Variants in GRK7 observed in about 807,000 individuals in gnomAD.
The protein encoded by GRK7 is rhodopsin kinase GRK7.
GRK7 carries 24 observed loss-of-function variants against 34.1 expected under a neutral mutation model. That is an observed-to-expected ratio of 0.70 (90% CI 0.51 to 0.99). GRK7 has a LOEUF of 0.99. GRK7 is among the 50% of genes least tolerant of loss of function. GRK7 has a pLI of 0.00. For synonymous variants in GRK7, 256 were observed against 279.4 expected (o/e 0.92, Z 0.84); for missense variants, 644 against 707.3 (o/e 0.91, Z 1.02).
intron 5 of GRK7, among the ~76,000 whole-genome samples, chr3:141,814,564 T>G (rs539486003): frequency 6.6e-6 from 1 of 152,322 alleles, no homozygotes; most frequent in Non-Finnish European, 1.5e-5. Context: ...TTTCATTCCT[T>G]TTTATGGCTG....
the GRK7 span, among the ~76,000 whole-genome samples, chr3:141,753,516 C>T: frequency 6.6e-6 from 1 of 152,146 alleles, no homozygotes; most frequent in African/African-American, 2.4e-5. Flanking sequence ...ACCTAGATCC[C>T]TCACATGCAC....
At chr3:141,779,010 G>A in intron 3 of GRK7, 114 bp downstream of exon 3, 1 of 1,038,594 alleles carries the variant, frequency 9.6e-7, no homozygotes. Flanking sequence ...AGCACCATAT[G>A]TGGAGGATTT....
At chr3:141,785,169 A>T (rs929525829) in intron 4 of GRK7, among the ~76,000 whole-genome samples, 1 of 152,230 alleles carries the variant, frequency 6.6e-6, no homozygotes, top group Admixed American at 6.5e-5. Context: ...TGAACTCTGC[A>T]TTGAGTCTGA....
At position 141,764,666 on chromosome 3, in the gene GRK7, A is replaced by T. The variant is rs1007820902; in HGVS notation, c.-1287A>T. On this transcript the variant is annotated 5_prime_UTR_variant, in exon 1 of 6. Transcript: ENST00000682958. ...CTAAAGGCCATTTATATCTGGGGTGACTCCCAGTGAGTATCTCCAGCCCAG... is the reference window on the plus strand; with the variant it reads ...CTAAAGGCCATTTATATCTGGGGTGTCTCCCAGTGAGTATCTCCAGCCCAG... 1.3e-5 allele frequency among the ~76,000 whole-genome samples: 2 copies of T among 151,070 alleles called. No individual in the cohort carries two copies. Among genetic ancestry groups the T allele is most frequent in the African/African-American group, 4.9e-5 (2 of 41,016 alleles).
At chr3:141,755,066 G>A in the GRK7 span, among the ~76,000 whole-genome samples, 14 of 152,066 alleles carry the variant, frequency 9.2e-5, no homozygotes, top group Admixed American at 3.9e-4. Context: ...TTCTAAACTC[G>A]AATTTTATGC....
rs539815665 is a variant in GRK7, at chr3:141,764,778, A to G, written c.-1175A>G. The stretch of plus-strand genomic sequence containing the variant: ...GTCTCCCTGGCAGGTCAAATTTAAC[A>G]GGTACAAGACTGAGCTCTTGATCTT... On this transcript the variant is annotated 5_prime_UTR_variant, in exon 1 of 6. Transcript: ENST00000682958. Among the ~76,000 whole-genome samples the G allele has an allele frequency of 2.6e-5, 4 of 152,250 alleles. No individual in the cohort carries two copies. The highest frequency in any genetic ancestry group is 6.5e-5 in the Admixed American group (1 of 15,302).
chr3:141,806,436 G>A (rs533384878), intron 4 of GRK7, among the ~76,000 whole-genome samples: 173 of 152,110 alleles, frequency 1.1e-3, no homozygotes, highest in African/African-American at 3.6e-3. Flanking sequence ...GGTGGCAGGC[G>A]CCTGTAATGC....
chr3:141,792,853 G>T (rs2107885402), intron 4 of GRK7, among the ~76,000 whole-genome samples: 1 of 152,318 alleles, frequency 6.6e-6, no homozygotes, highest in South Asian at 2.1e-4. Context: ...AGAGGGTTAG[G>T]ACTTTCAGCC....
In GRK7 at chr3:141,818,918, G is replaced by A. The variant is rs1176947202; in HGVS notation, c.*1868G>A. 2.6e-5 allele frequency among the ~76,000 whole-genome samples: 4 copies of A among 152,180 alleles called. No homozygotes were observed. The highest frequency in any genetic ancestry group is 9.7e-5 in the African/African-American group (4 of 41,442). ...CCCTCTGAGAGTTGAGGCCTCGGCC[G>A]GTGCACCTGCGGCTCACTTTCCCGC... On this transcript the variant is annotated 3_prime_UTR_variant, in exon 6 of 6. Coordinates refer to ENST00000682958, the MANE Select transcript of GRK7 (RefSeq NM_139209.3).
intron 5 of GRK7, among the ~76,000 whole-genome samples, chr3:141,814,379 C>A (rs1711125630): frequency 6.6e-6 from 1 of 152,124 alleles, no homozygotes; most frequent in South Asian, 2.1e-4. Context: ...TTGCCACACC[C>A]CCAAAACATC....
intron 4 of GRK7, among the ~76,000 whole-genome samples, chr3:141,807,422 T>C (rs1372537528): frequency 6.6e-6 from 1 of 152,202 alleles, no homozygotes; most frequent in Non-Finnish European, 1.5e-5. Flanking sequence ...CTTTATCTCA[T>C]TGGCCAAAAC....
chr3:141,780,539 AG>A lies in GRK7; in HGVS notation c.779del (p.Ser260ThrfsTer9). 6 of 1,614,224 alleles carry A rather than the reference AG, an allele frequency of 3.7e-6. No homozygotes were observed. The highest frequency in any genetic ancestry group is 5.1e-6 in the Non-Finnish European group (6 of 1,180,042). On this transcript the variant is annotated frameshift_variant, in exon 4 of 6. Transcript: ENST00000682958. LOFTEE classifies it high-confidence loss of function. ...TGTCTCTCTGGCCTATGCCTTTGAG[AG>A]CAAGACCCATCTCTGCCTTGTCATG... ...FIVSLAYAFE[S>X]KTHLCLVMSL... is the part of the protein sequence containing the mutation.
chr3:141,796,080 G>C (rs889801073), intron 4 of GRK7, among the ~76,000 whole-genome samples: 1 of 152,190 alleles, frequency 6.6e-6, no homozygotes, highest in Non-Finnish European at 1.5e-5. Context: ...TAGTCCTGCA[G>C]GTCAAGGAGA....
At chr3:141,784,325 C>T (rs1250341467) in intron 4 of GRK7, among the ~76,000 whole-genome samples, 1 of 152,184 alleles carries the variant, frequency 6.6e-6, no homozygotes, top group African/African-American at 2.4e-5. Context: ...CCTCTGCATC[C>T]CTCTCCGTCC....
chr3:141,791,070 CTT>C (rs1008779740), intron 4 of GRK7, among the ~76,000 whole-genome samples: 1 of 152,054 alleles, frequency 6.6e-6, no homozygotes, highest in African/African-American at 2.4e-5. Context: ...CAATATGAGT[CTT>C]TAAAATTTGC....
intron 4 of GRK7, among the ~76,000 whole-genome samples, chr3:141,789,771 G>C (rs1027131420): frequency 1.3e-5 from 2 of 151,948 alleles, no homozygotes; most frequent in African/African-American, 4.8e-5. Flanking sequence ...AGACCTAAGA[G>C]TTCCAAGTAG....
At position 141,817,101 on chromosome 3, in the gene GRK7, C is replaced by T. The variant is rs367749933; in HGVS notation, c.*51C>T. 100 of 1,368,592 alleles carry T rather than the reference C, an allele frequency of 7.3e-5. No homozygotes were observed. Among genetic ancestry groups the T allele is most frequent in the Non-Finnish European group, 9.4e-5 (94 of 1,002,812 alleles). The allele number at this position is 1,368,592 out of a possible 1,614,324, so 84.8% of individuals were successfully genotyped here. A position where few individuals can be genotyped will look rare whatever the true frequency, so the allele number is the denominator to read the frequency against. ...CAGGAGTCTCGGCTGACATAATCCT[C>T]GAATGTTCCACACGTGGAAATCTGT... On this transcript the variant is annotated 3_prime_UTR_variant, in exon 6 of 6. Coordinates refer to ENST00000682958, the MANE Select transcript of GRK7 (RefSeq NM_139209.3).
chr3:141,764,565 C>A lies in GRK7; in HGVS notation c.-1388C>A, dbSNP rs894848147. Among the ~76,000 whole-genome samples the A allele has an allele frequency of 2.0e-5, 3 of 152,154 alleles. No individual in the cohort carries two copies. Among genetic ancestry groups the A allele is most frequent in the Non-Finnish European group, 4.4e-5 (3 of 68,032 alleles). ...CTCTCCTAATACCCCACTGCCCTCA[C>A]CTCCTCAAACTCTAGGGCTCAGTCC... On this transcript the variant is annotated 5_prime_UTR_variant, in exon 1 of 6. Coordinates refer to ENST00000682958, the MANE Select transcript of GRK7 (RefSeq NM_139209.3).
the GRK7 span, among the ~76,000 whole-genome samples, chr3:141,755,878 TACAAA>T: frequency 2.0e-5 from 3 of 152,102 alleles, no homozygotes; most frequent in African/African-American, 7.2e-5. Flanking sequence ...CACAAAGACT[TACAAA>T]ACAATATTCA....
Sources: allele counts gnomAD v4.1 joint callset (sites outside exome capture counted in the v4.1 genomes callset), GRCh38; gene constraint gnomAD v4.1.1; transcripts MANE v1.5; gene names NCBI Gene and HGNC (gene_info 2026-07-23, HGNC 2026-07-21).